Variants in DSCAM observed in about 807,000 individuals in gnomAD.
The protein encoded by DSCAM is cell adhesion molecule DSCAM.
A neutral mutation model predicts 217.7 loss-of-function variants in DSCAM; 47 were observed. The ratio of observed to expected loss-of-function variants is 0.22; its 90% CI spans 0.17 to 0.28. DSCAM has a LOEUF of 0.28. DSCAM is among the 10% of genes least tolerant of loss of function. DSCAM has a pLI of 1.00. For synonymous variants in DSCAM, 1,056 were observed against 1,015.3 expected (o/e 1.04, Z -0.76); for missense variants, 2,080 against 2,618.3 (o/e 0.79, Z 4.49).
chr21:40,638,879 T>C (rs529583347), intron 3 of DSCAM, among the ~76,000 whole-genome samples: 1 of 147,946 alleles, frequency 6.8e-6, no homozygotes, highest in Non-Finnish European at 1.5e-5. Context: ...AACATGAATG[T>C]TGGGTATTTT....
At chr21:40,474,765 C>T (rs1171898400) in intron 3 of DSCAM, among the ~76,000 whole-genome samples, 8 of 152,156 alleles carry the variant, frequency 5.3e-5, no homozygotes, top group South Asian at 2.1e-4. Flanking sequence ...TTTCTGCAGG[C>T]GAGTGCGTGC....
intron 3 of DSCAM, among the ~76,000 whole-genome samples, chr21:40,462,909 C>A (rs1260979553): frequency 2.0e-5 from 3 of 152,152 alleles, no homozygotes; most frequent in Admixed American, 6.5e-5. Context: ...GAAAAGTCAA[C>A]TGATATTCAA....
intron 3 of DSCAM, among the ~76,000 whole-genome samples, chr21:40,423,742 T>C (rs925772258): frequency 3.3e-5 from 5 of 152,190 alleles, no homozygotes; most frequent in Non-Finnish European, 7.3e-5. Context: ...CCATATGGAT[T>C]CGCTGCCGGT....
chr21:40,125,591 A>C (rs2146672502), intron 19 of DSCAM, among the ~76,000 whole-genome samples: 1 of 152,330 alleles, frequency 6.6e-6, no homozygotes, highest in South Asian at 2.1e-4. Flanking sequence ...GCATAACAAA[A>C]CCAAGAGCTC....
Position 40,420,355 on chromosome 21 carries a change from C to T in DSCAM, c.509-51110G>A, listed in dbSNP as rs142057356. Among the ~76,000 whole-genome samples, 17 of 152,238 alleles carry T rather than the reference C, an allele frequency of 1.1e-4. 1 individual carries two copies. The East Asian group carries it at 3.1e-3, about 28-fold the overall frequency. On this transcript the variant is annotated intron_variant, in intron 3 of 32. Coordinates refer to ENST00000400454, the MANE Select transcript of DSCAM (RefSeq NM_001389.5). The stretch of plus-strand genomic sequence containing the variant: ...TGGATTTCGTTTATCTTTTCTTTAT[C>T]CGTATCAAAAGCCTCTACATTTGCT...
At chr21:40,282,030 G>T (rs2123401112) in intron 10 of DSCAM, among the ~76,000 whole-genome samples, 1 of 152,140 alleles carries the variant, frequency 6.6e-6, no homozygotes, top group Non-Finnish European at 1.5e-5. Context: ...CATTTTTAAA[G>T]AATTTGGCTT....
At chr21:40,273,542 T>C (rs2123372011) in intron 11 of DSCAM, among the ~76,000 whole-genome samples, 1 of 152,306 alleles carries the variant, frequency 6.6e-6, no homozygotes, top group South Asian at 2.1e-4. Context: ...CTGTCTCCTG[T>C]CCCTGGAATA....
intron 1 of DSCAM, among the ~76,000 whole-genome samples, chr21:40,757,984 G>T (rs2091292372): frequency 6.6e-6 from 1 of 152,130 alleles, no homozygotes; most frequent in Non-Finnish European, 1.5e-5. Context: ...TTAAGATGAG[G>T]TCATACTGGA....
chr21:40,197,918 T>C (rs1203807928), intron 11 of DSCAM, among the ~76,000 whole-genome samples: 2 of 152,214 alleles, frequency 1.3e-5, no homozygotes, highest in African/African-American at 2.4e-5. Flanking sequence ...GCAAAGCCTC[T>C]TTCCCTTATA....
At chr21:40,740,299 T>C (rs1020501322) in intron 1 of DSCAM, among the ~76,000 whole-genome samples, 4 of 152,134 alleles carry the variant, frequency 2.6e-5, no homozygotes, top group African/African-American at 4.8e-5. Flanking sequence ...TTTGCAAAGC[T>C]AAGGGGAGAT....
chr21:40,501,644 T>A (rs928145864), intron 3 of DSCAM, among the ~76,000 whole-genome samples: 13 of 152,230 alleles, frequency 8.5e-5, no homozygotes, highest in African/African-American at 3.1e-4. Flanking sequence ...CAGGCTGAAG[T>A]GCAATGGCAC....
intron 8 of DSCAM, among the ~76,000 whole-genome samples, chr21:40,313,594 C>T (rs1282351509): frequency 6.6e-6 from 1 of 152,136 alleles, no homozygotes; most frequent in Non-Finnish European, 1.5e-5. Flanking sequence ...TATGCTCTTT[C>T]ATCAGCCTTA....
chr21:40,103,671 G>A (rs1048643939), intron 20 of DSCAM, among the ~76,000 whole-genome samples: 1 of 151,552 alleles, frequency 6.6e-6, no homozygotes, highest in Admixed American at 6.6e-5. Flanking sequence ...TGAGATTACT[G>A]TAGATACCAT....
intron 3 of DSCAM, among the ~76,000 whole-genome samples, chr21:40,506,498 C>T (rs770953968): frequency 2.0e-5 from 3 of 152,188 alleles, no homozygotes; most frequent in Admixed American, 6.5e-5. Context: ...CAAACAAAAT[C>T]GGCTTAATTC....
intron 10 of DSCAM, among the ~76,000 whole-genome samples, chr21:40,277,868 C>CAA (rs1221895007): frequency 1.1e-4 from 6 of 55,784 alleles, no homozygotes; most frequent in African/African-American, 3.2e-4. Flanking sequence ...GACTTCGTCT[C>CAA]AAAAAAAAAA....
At chr21:40,343,198 ATTG>A (rs1255471058) in intron 6 of DSCAM, among the ~76,000 whole-genome samples, 1 of 152,038 alleles carries the variant, frequency 6.6e-6, no homozygotes, top group Non-Finnish European at 1.5e-5. Flanking sequence ...AAATTGCTTT[ATTG>A]TTTTCTTGGC....
chr21:40,807,652 T>C (rs2091800098), intron 1 of DSCAM, among the ~76,000 whole-genome samples: 1 of 152,022 alleles, frequency 6.6e-6, no homozygotes, highest in Non-Finnish European at 1.5e-5. Context: ...CCAAAGGTCA[T>C]AACAAAATAA....
chr21:40,818,014 T>G lies in DSCAM; in HGVS notation c.43+28605A>C, dbSNP rs538175235. Among the ~76,000 whole-genome samples, 26 of 139,288 alleles carry G rather than the reference T, an allele frequency of 1.9e-4. No individual in the cohort carries two copies. The Admixed American group carries it at 1.9e-3, about 10-fold the overall frequency. The allele number at this position is 139,288 out of a possible 152,430, so 91.4% of individuals were successfully genotyped here. On this transcript the variant is annotated intron_variant, in intron 1 of 32. Transcript: ENST00000400454. Reference sequence around the variant, plus strand: ...GGGAGGCTGAGGCAGGAGAATGGCGTGAACCCGGGAGGCGGAGCTTGCAGT... The same window carrying G: ...GGGAGGCTGAGGCAGGAGAATGGCGGGAACCCGGGAGGCGGAGCTTGCAGT...
At chr21:40,578,648 T>A (rs1021504078) in intron 3 of DSCAM, among the ~76,000 whole-genome samples, 1 of 152,206 alleles carries the variant, frequency 6.6e-6, no homozygotes, top group Non-Finnish European at 1.5e-5. Context: ...TCACAATAAA[T>A]CTTGCTGCCA....
Sources: gnomAD v4.1 joint callset for allele counts (sites outside exome capture counted in the v4.1 genomes callset) on GRCh38, gnomAD v4.1.1 for gene constraint, MANE v1.5 for transcripts, NCBI Gene and HGNC (gene_info 2026-07-23, HGNC 2026-07-21) for gene names.